Variants in CCNY observed in about 807,000 individuals in gnomAD.
CCNY encodes cyclin-Y.
A neutral mutation model predicts 42.8 loss-of-function variants in CCNY; 19 were observed. That is an observed-to-expected ratio of 0.44 (90% confidence interval 0.31 to 0.65). The LOEUF is 0.65. CCNY is among the 30% of genes least tolerant of loss of function. The probability of loss-of-function intolerance (pLI) is 0.07; values close to 1 mark genes in which losing one functional copy is unlikely to be tolerated. For synonymous variants in CCNY, 165 were observed against 162.7 expected (o/e 1.01, Z -0.11); for missense variants, 370 against 437.3 (o/e 0.85, Z 1.37).
chr10:35,408,243 G>T (rs1157826001), intron 1 of CCNY, among the ~76,000 whole-genome samples: 2 of 152,214 alleles, frequency 1.3e-5, no homozygotes, highest in Non-Finnish European at 2.9e-5. Flanking sequence ...GGTGAGGACA[G>T]GGGACTGGTC....
chr10:35,555,477 C>G (rs1841345094), intron 8 of CCNY, among the ~76,000 whole-genome samples: 1 of 152,172 alleles, frequency 6.6e-6, no homozygotes, highest in Non-Finnish European at 1.5e-5. Flanking sequence ...ACAATAACAA[C>G]AACAGCAGCA....
chr10:35,400,927 C>T (rs901981706), intron 1 of CCNY, among the ~76,000 whole-genome samples: 51 of 152,272 alleles, frequency 3.3e-4, no homozygotes, highest in Non-Finnish European at 4.6e-4. Flanking sequence ...TATCTTAATG[C>T]GCACTTTTTT....
At chr10:35,497,778 A>G (rs1187334606) in intron 2 of CCNY, among the ~76,000 whole-genome samples, 1 of 151,980 alleles carries the variant, frequency 6.6e-6, no homozygotes, top group Non-Finnish European at 1.5e-5. Context: ...CCCTATGGTA[A>G]TGTCTTGGTT....
intron 2 of CCNY, among the ~76,000 whole-genome samples, chr10:35,488,481 T>G (rs1248183174): frequency 6.6e-6 from 1 of 152,194 alleles, no homozygotes; most frequent in African/African-American, 2.4e-5. Context: ...GGCTCGTTCG[T>G]GTGTGCAGGT....
chr10:35,482,801 T>TGTGTGTGTGTG (rs4007247), intron 1 of CCNY, among the ~76,000 whole-genome samples: 1 of 140,922 alleles, frequency 7.1e-6, no homozygotes, highest in Non-Finnish European at 1.5e-5. Context: ...TGTGTGTGTG[T>TGTGTGTGTGTG]TATGTGTTTG....
chr10:35,303,679 A>C (rs1835565614), intron 3 of CCNY, among the ~76,000 whole-genome samples: 1 of 146,848 alleles, frequency 6.8e-6, no homozygotes, highest in Admixed American at 6.9e-5. Context: ...CAGGAGGCTG[A>C]GGCAGGAGAA....
intron 1 of CCNY, among the ~76,000 whole-genome samples, chr10:35,391,092 A>G (rs1837403308): frequency 6.6e-6 from 1 of 152,236 alleles, no homozygotes; most frequent in Non-Finnish European, 1.5e-5. Flanking sequence ...TAGCACTCAA[A>G]CATAAATTTA....
chr10:35,352,791 C>T (rs1197080793), intron 1 of CCNY, among the ~76,000 whole-genome samples: 1 of 152,094 alleles, frequency 6.6e-6, no homozygotes, highest in South Asian at 2.1e-4. Context: ...AGCAAATGAG[C>T]GCTGCCTGAT....
At chr10:35,411,003 T>G (rs1186251409) in intron 1 of CCNY, among the ~76,000 whole-genome samples, 1 of 152,248 alleles carries the variant, frequency 6.6e-6, no homozygotes, top group Non-Finnish European at 1.5e-5. Context: ...GGCTTTTAAC[T>G]GATTAAACAG....
intron 1 of CCNY, among the ~76,000 whole-genome samples, chr10:35,357,875 TGATCA>T (rs1431775184): frequency 4.6e-5 from 7 of 152,336 alleles, no homozygotes; most frequent in Non-Finnish European, 8.8e-5. Context: ...ATTTATATAT[TGATCA>T]GTATGGGTCA....
chr10:35,444,102 G>A (rs373094908), intron 1 of CCNY, among the ~76,000 whole-genome samples: 23 of 150,406 alleles, frequency 1.5e-4, no homozygotes, highest in South Asian at 1.5e-3. Context: ...TGATTTCTGC[G>A]ACATTGAATA....
rs975164492 is a variant in CCNY, at chr10:35,538,932, A to G, written c.579+8689A>G. 1.2e-4 allele frequency among the ~76,000 whole-genome samples: 19 copies of G among 152,246 alleles called. No homozygotes were observed. In the East Asian group the frequency reaches 1.7e-3, roughly 14 times the overall value. On this transcript the variant is annotated intron_variant, in intron 7 of 9. Coordinates refer to ENST00000374704, the MANE Select transcript of CCNY (RefSeq NM_145012.6). ...AAATGTAGCTCTTAAATTTAGGTCT[A>G]TCATTCATTTTGAGCTAATTTTTGT...
At chr10:35,520,171 G>T (rs543664335) in intron 4 of CCNY, among the ~76,000 whole-genome samples, 45 of 152,270 alleles carry the variant, frequency 3.0e-4, no homozygotes, top group African/African-American at 1.1e-3. Context: ...CTCACACTTG[G>T]TGTAGCTAAA....
chr10:35,304,679 G>A (rs994416242), intron 3 of CCNY, among the ~76,000 whole-genome samples: 3 of 152,198 alleles, frequency 2.0e-5, no homozygotes, highest in Non-Finnish European at 4.4e-5. Flanking sequence ...AGTACTATTG[G>A]CATGTGGAGC....
intron 1 of CCNY, among the ~76,000 whole-genome samples, chr10:35,371,606 C>T (rs1836938556): frequency 6.6e-6 from 1 of 152,118 alleles, no homozygotes; most frequent in Admixed American, 6.5e-5. Flanking sequence ...TTTCATCCTC[C>T]CTACAGTTTT....
chr10:35,348,420 T>G (rs1477945376), intron 1 of CCNY, among the ~76,000 whole-genome samples: 1 of 152,172 alleles, frequency 6.6e-6, no homozygotes, highest in African/African-American at 2.4e-5. Context: ...CTGAGGAAGA[T>G]TGTTGGTTCC....
At chr10:35,372,538 C>T (rs555391620) in intron 1 of CCNY, among the ~76,000 whole-genome samples, 2 of 152,294 alleles carry the variant, frequency 1.3e-5, no homozygotes, top group South Asian at 2.1e-4. Flanking sequence ...TTCCACTTGT[C>T]ATTCTCTGAG....
chr10:35,350,887 C>G (rs1247281580), intron 1 of CCNY, among the ~76,000 whole-genome samples: 2 of 152,294 alleles, frequency 1.3e-5, no homozygotes, highest in East Asian at 3.9e-4. Flanking sequence ...AATGTCGTGA[C>G]ACAGTATTCC....
chr10:35,299,117 TA>T (rs1835504676), intron 3 of CCNY, among the ~76,000 whole-genome samples: 2 of 152,244 alleles, frequency 1.3e-5, no homozygotes, highest in Admixed American at 1.3e-4. Context: ...GATTTCTAAT[TA>T]AATTGCATTT....
Sources: allele counts gnomAD v4.1 joint callset (sites outside exome capture counted in the v4.1 genomes callset), GRCh38; gene constraint gnomAD v4.1.1; transcripts MANE v1.5; gene names NCBI Gene and HGNC (gene_info 2026-07-23, HGNC 2026-07-21).